Variants in DLG2 observed in about 807,000 individuals in gnomAD.
DLG2 encodes discs large MAGUK scaffold protein 2, also known as disks large homolog 2.
Under a neutral mutation model 132.5 loss-of-function variants are expected in DLG2, and 45 were observed. The ratio of observed to expected loss-of-function variants is 0.34; its 90% CI spans 0.27 to 0.44. DLG2 has a LOEUF of 0.44. Among genes scored for constraint, DLG2 ranks in the 20% least tolerant of loss-of-function variants. The pLI, the probability that DLG2 is intolerant of heterozygous loss-of-function variation, is 1.00. For missense variants in DLG2, 1,045 were observed against 1,196.9 expected (o/e 0.87, Z 1.87); for synonymous variants, 424 against 419.6 (o/e 1.01, Z -0.13).
chr11:84,565,473 T>C (rs78168822), intron 6 of DLG2, among the ~76,000 whole-genome samples: 2 of 152,292 alleles, frequency 1.3e-5, no homozygotes, highest in East Asian at 3.9e-4. Flanking sequence ...GTCTAATAAA[T>C]GTTAGAAAAC....
intron 6 of DLG2, among the ~76,000 whole-genome samples, chr11:85,066,505 T>G (rs1297789220): frequency 6.6e-6 from 1 of 151,552 alleles, no homozygotes; most frequent in Non-Finnish European, 1.5e-5. Flanking sequence ...CAAAAAATTA[T>G]AGGCCAATAT....
intron 6 of DLG2, among the ~76,000 whole-genome samples, chr11:84,743,526 A>C (rs1227190409): frequency 1.3e-5 from 2 of 152,184 alleles, no homozygotes; most frequent in Admixed American, 6.6e-5. Context: ...GATGAATAAA[A>C]CATGCTCTGT....
intron 11 of DLG2, among the ~76,000 whole-genome samples, chr11:83,997,432 T>C (rs539469240): frequency 1.3e-5 from 2 of 152,174 alleles, no homozygotes; most frequent in East Asian, 1.9e-4. Flanking sequence ...TGATAAAAAC[T>C]GTAAAGACTA....
At chr11:83,722,777 C>G (rs2088982803) in intron 18 of DLG2, among the ~76,000 whole-genome samples, 1 of 152,164 alleles carries the variant, frequency 6.6e-6, no homozygotes, top group Non-Finnish European at 1.5e-5. Flanking sequence ...ATGCAAGTCT[C>G]TTAGTCCCCA....
intron 8 of DLG2, among the ~76,000 whole-genome samples, chr11:84,183,916 T>G (rs188834388): frequency 0.065 from 9,836 of 152,204 alleles, 388 homozygotes; most frequent in African/African-American, 0.1. Flanking sequence ...CATCCTTTTT[T>G]ATGGCTGCAT....
Position 84,609,601 on chromosome 11 carries a change from C to T in DLG2, c.358-74870G>A, listed in dbSNP as rs114863805. 3.1e-3 allele frequency among the ~76,000 whole-genome samples: 471 copies of T among 152,194 alleles called. 3 individuals are homozygous for T. The highest frequency in any genetic ancestry group is 0.01 in the African/African-American group (424 of 41,542). On this transcript the variant is annotated intron_variant, in intron 6 of 27. Transcript: ENST00000376104. ...CTCCAACTGCCGATGATTAACACAC[C>T]TCTGCCATAGATGGGATGAAAATTA...
At chr11:83,974,509 T>A (rs1052417587) in intron 12 of DLG2, among the ~76,000 whole-genome samples, 1 of 152,048 alleles carries the variant, frequency 6.6e-6, no homozygotes, top group Admixed American at 6.6e-5. Context: ...ATAAAACAGA[T>A]TTGTTAATCA....
At chr11:84,624,775 T>A (rs945883273) in intron 6 of DLG2, among the ~76,000 whole-genome samples, 4 of 149,918 alleles carry the variant, frequency 2.7e-5, no homozygotes, top group African/African-American at 9.9e-5. Flanking sequence ...CACCACTCCC[T>A]CATCTTAAGA....
intron 7 of DLG2, among the ~76,000 whole-genome samples, chr11:84,274,744 G>A (rs972646938): frequency 2.6e-5 from 4 of 152,142 alleles, no homozygotes; most frequent in Non-Finnish European, 2.9e-5. Flanking sequence ...TAATTTGTAG[G>A]GAAATTGTTT....
At chr11:85,580,426 A>G (rs1442962254) in intron 3 of DLG2, among the ~76,000 whole-genome samples, 1 of 152,212 alleles carries the variant, frequency 6.6e-6, no homozygotes, top group Non-Finnish European at 1.5e-5. Flanking sequence ...GGCCAAACTC[A>G]AACAGAAGTC....
chr11:84,075,129 A>AT (rs1391631944), intron 10 of DLG2, among the ~76,000 whole-genome samples: 2 of 152,088 alleles, frequency 1.3e-5, no homozygotes, highest in Non-Finnish European at 2.9e-5. Context: ...CCTATTTGTC[A>AT]TTAAGATCTT....
At chr11:84,909,539 G>T (rs2091874013) in intron 6 of DLG2, among the ~76,000 whole-genome samples, 1 of 152,112 alleles carries the variant, frequency 6.6e-6, no homozygotes, top group South Asian at 2.1e-4. Flanking sequence ...GAAATTTCTA[G>T]CATGCAAAAA....
intron 4 of DLG2, among the ~76,000 whole-genome samples, chr11:85,217,031 C>A (rs553831564): frequency 1.2e-4 from 18 of 152,010 alleles, no homozygotes; most frequent in African/African-American, 4.3e-4. Context: ...TTGTATAGTA[C>A]TTCATAAGAG....
chr11:84,276,581 A>C (rs1249334262), intron 7 of DLG2, among the ~76,000 whole-genome samples: 3 of 152,196 alleles, frequency 2.0e-5, no homozygotes, highest in Non-Finnish European at 4.4e-5. Flanking sequence ...GTCTCTGCCC[A>C]CAAGTGGAGC....
chr11:84,974,724 T>C (rs1178326975), intron 6 of DLG2, among the ~76,000 whole-genome samples: 1 of 152,158 alleles, frequency 6.6e-6, no homozygotes, highest in Non-Finnish European at 1.5e-5. Context: ...TTGTTAGAAA[T>C]ACACTCTCCA....
At chr11:85,057,982 T>C (rs1207826430) in intron 6 of DLG2, among the ~76,000 whole-genome samples, 1 of 151,510 alleles carries the variant, frequency 6.6e-6, no homozygotes, top group Non-Finnish European at 1.5e-5. Context: ...TATATTAATG[T>C]GAAATATTAG....
chr11:85,495,945 A>T (rs2093659371), intron 3 of DLG2, among the ~76,000 whole-genome samples: 1 of 152,196 alleles, frequency 6.6e-6, no homozygotes, highest in Non-Finnish European at 1.5e-5. Flanking sequence ...AAGATGGCCA[A>T]ACAGGAAGAG....
At chr11:85,009,935 G>A (rs2059007515) in intron 6 of DLG2, among the ~76,000 whole-genome samples, 1 of 152,056 alleles carries the variant, frequency 6.6e-6, no homozygotes, top group Non-Finnish European at 1.5e-5. Context: ...GGTTCCTGAA[G>A]ACATCCTTTG....
chr11:84,911,098 T>C (rs967991991), intron 6 of DLG2, among the ~76,000 whole-genome samples: 1 of 152,124 alleles, frequency 6.6e-6, no homozygotes, highest in African/African-American at 2.4e-5. Context: ...TTTATAATAT[T>C]CTAGAATTCA....
Sources: gnomAD v4.1 joint callset for allele counts (sites outside exome capture counted in the v4.1 genomes callset) on GRCh38, gnomAD v4.1.1 for gene constraint, MANE v1.5 for transcripts, NCBI Gene and HGNC (gene_info 2026-07-23, HGNC 2026-07-21) for gene names.